The following PRKCQ variants were observed in gnomAD, a reference collection of about 807,000 sequenced individuals.
PRKCQ encodes protein kinase C theta.
A neutral mutation model predicts 91.2 loss-of-function variants in PRKCQ; 41 were observed. That is an observed-to-expected ratio of 0.45 (90% CI 0.35 to 0.58). The LOEUF (loss-of-function observed/expected upper bound fraction) is 0.58. PRKCQ is among the 20% of genes least tolerant of loss of function. The pLI, the probability that PRKCQ is intolerant of heterozygous loss-of-function variation, is 0.00. For missense variants in PRKCQ, 673 were observed against 896.5 expected, an observed-to-expected ratio of 0.75 and a Z score of 3.18; for synonymous variants, 307 against 316.9, an observed-to-expected ratio of 0.97 and a Z score of 0.33.
At chr10:6,511,306 G>C in intron 2 of PRKCQ, 112 bp from the exon 3 acceptor site, 4 of 1,026,270 alleles carry the variant, frequency 3.9e-6, no homozygotes, top group African/African-American at 1.6e-5. Context: ...ATAGAATTCT[G>C]TTGGGAAGAC....
chr10:6,521,654 C>T (rs936017000), intron 1 of PRKCQ, among the ~76,000 whole-genome samples: 4 of 152,172 alleles, frequency 2.6e-5, no homozygotes, highest in African/African-American at 9.7e-5. Context: ...CCAAAAAGAG[C>T]AGGAGGAAAG....
chr10:6,567,986 A>G (rs1002659016), intron 1 of PRKCQ, among the ~76,000 whole-genome samples: 4 of 152,142 alleles, frequency 2.6e-5, no homozygotes, highest in African/African-American at 9.7e-5. Context: ...TAATCCCAGC[A>G]CTTTGGTGGT....
intron 1 of PRKCQ, among the ~76,000 whole-genome samples, chr10:6,546,750 C>T (rs1304843946): frequency 6.6e-6 from 1 of 152,080 alleles, no homozygotes; most frequent in Non-Finnish European, 1.5e-5. Context: ...TTGCCCTGGC[C>T]AGAACTTCCA....
chr10:6,470,597 G>A (rs7080157), intron 12 of PRKCQ, among the ~76,000 whole-genome samples: 19,222 of 152,236 alleles, frequency 0.13, 1,616 homozygotes, highest in Middle Eastern at 0.27. Flanking sequence ...GGTTCCTGAA[G>A]TGACAGAAGT....
At chr10:6,427,016 G>T (rs536922644), downstream of PRKCQ, 1 of 152,316 alleles carries the variant, frequency 6.6e-6, no homozygotes, top group Non-Finnish European at 1.5e-5. Flanking sequence ...GATTACAGGC[G>T]TGAGCCATCG....
chr10:6,410,976 CAAAAA>C, the PRKCQ span, among the ~76,000 whole-genome samples: 7 of 87,552 alleles, frequency 8.0e-5, no homozygotes, highest in African/African-American at 3.3e-4. Flanking sequence ...GATTCCGTTT[CAAAAA>C]AAAAAAAAAA....
At chr10:6,524,736 G>A (rs1405975308) in intron 1 of PRKCQ, among the ~76,000 whole-genome samples, 8 of 152,238 alleles carry the variant, frequency 5.3e-5, no homozygotes, top group Non-Finnish European at 1.2e-4. Flanking sequence ...ATGTGAAGAA[G>A]GGAGAAAAGT....
Position 6,430,043 on chromosome 10 carries a change from C to A in PRKCQ, c.1965+767G>T, listed in dbSNP as rs1469801783. ...CTAATTTTTGTATTTTTAGTAGAGA[C>A]AAGGTTTCACCATGTTGGCCAGGCT... On this transcript the variant is annotated intron_variant, in intron 17 of 17. Transcript: ENST00000263125. This position sits in a 1 kb window ranked among gnomAD's most constrained non-coding sequence, Gnocchi z 4.7. 6.6e-6 allele frequency among the ~76,000 whole-genome samples: 1 copy of A among 152,186 alleles called. No individual in the cohort carries two copies. The highest frequency in any genetic ancestry group is 1.9e-4 in the East Asian group (1 of 5,196).
chr10:6,553,931 T>C (rs1840309068), intron 1 of PRKCQ, among the ~76,000 whole-genome samples: 1 of 150,998 alleles, frequency 6.6e-6, no homozygotes, highest in African/African-American at 2.4e-5. Context: ...TTATATTTGG[T>C]ATGGAGAAAG....
intron 1 of PRKCQ, among the ~76,000 whole-genome samples, chr10:6,525,630 A>C (rs1428264098): frequency 6.6e-6 from 1 of 152,222 alleles, no homozygotes; most frequent in Admixed American, 6.5e-5. Context: ...CGAAGATGTC[A>C]AAAGGAAAAA....
rs1833844622 is a variant in PRKCQ, at chr10:6,439,140, C to T, written c.1836+2753G>A. Among the ~76,000 whole-genome samples the T allele has an allele frequency of 3.9e-5, 6 of 152,300 alleles. No homozygotes were observed. In the South Asian group the frequency reaches 1.2e-3, roughly 32 times the overall value. On this transcript the variant is annotated intron_variant, in intron 16 of 17. Coordinates refer to ENST00000263125, the MANE Select transcript of PRKCQ (RefSeq NM_006257.5). ...CTTTCTTGATGGCTCTCAGGTGTTC[C>T]TCTGTCTCCACGTGGGTTTGCCTTG...
At chr10:6,444,472 A>T (rs1319518473) in intron 15 of PRKCQ, among the ~76,000 whole-genome samples, 2 of 152,078 alleles carry the variant, frequency 1.3e-5, no homozygotes, top group African/African-American at 2.4e-5. Context: ...GGCACATAAA[A>T]TTTTTTTTAA....
chr10:6,519,301 C>G (rs78685365), intron 1 of PRKCQ, among the ~76,000 whole-genome samples: 1 of 152,136 alleles, frequency 6.6e-6, no homozygotes, highest in Non-Finnish European at 1.5e-5. Flanking sequence ...AAATTTCAGT[C>G]GGTCTCATCT....
At chr10:6,530,880 G>A (rs1839366899) in intron 1 of PRKCQ, among the ~76,000 whole-genome samples, 1 of 152,124 alleles carries the variant, frequency 6.6e-6, no homozygotes. Context: ...CCACCCATTG[G>A]CATTGTTCTA....
downstream of PRKCQ, among the ~76,000 whole-genome samples, chr10:6,425,411 A>G (rs538100174): frequency 1.5e-3 from 232 of 151,952 alleles, no homozygotes; most frequent in African/African-American, 5.4e-3. Context: ...TTTTTAGTAG[A>G]CGGGGTTTCA....
At chr10:6,571,853 C>G (rs1056810455) in intron 1 of PRKCQ, among the ~76,000 whole-genome samples, 1 of 152,118 alleles carries the variant, frequency 6.6e-6, no homozygotes, top group African/African-American at 2.4e-5. Flanking sequence ...AACAAACAAA[C>G]AGGAACCAGG....
chr10:6,410,045 G>A, the PRKCQ span, among the ~76,000 whole-genome samples: 1,409 of 152,300 alleles, frequency 9.3e-3, 11 homozygotes, highest in Non-Finnish European at 0.015. Flanking sequence ...GGGAAGGAGT[G>A]CAAGTCAGCC....
chr10:6,463,976 C>A (rs1031225728), intron 13 of PRKCQ, among the ~76,000 whole-genome samples: 1 of 152,208 alleles, frequency 6.6e-6, no homozygotes, highest in Non-Finnish European at 1.5e-5. Context: ...CTACAAGCTC[C>A]ATCCCTGGGG....
At chr10:6,508,629 A>T (rs1838317296) in intron 3 of PRKCQ, among the ~76,000 whole-genome samples, 1 of 152,250 alleles carries the variant, frequency 6.6e-6, no homozygotes, top group South Asian at 2.1e-4. Flanking sequence ...GCATGTATGC[A>T]CCATTGTTCT....
Sources: gnomAD v4.1 joint callset for allele counts (sites outside exome capture counted in the v4.1 genomes callset) on GRCh38, gnomAD v4.1.1 for gene constraint, Gnocchi (gnomAD v3.1) non-coding constraint, MANE v1.5 for transcripts, NCBI Gene and HGNC (gene_info 2026-07-23, HGNC 2026-07-21) for gene names.